Variants in HACL2 observed in about 807,000 individuals in gnomAD.
HACL2 encodes the protein 2-hydroxyacyl-CoA lyase 2, also known as 2-hydroxyacyl-CoA lyase 1 like.
chr19:15,116,176 C>T, the HACL2 span: 23 of 1,613,486 alleles, frequency 1.4e-5, no homozygotes, highest in Middle Eastern at 3.3e-4. Context: ...CGCAGGGGGC[C>T]GCGGGGCTGT....
chr19:15,125,381 T>C, the HACL2 span: 2 of 314,006 alleles, frequency 6.4e-6, no homozygotes, highest in Non-Finnish European at 1.2e-5. Context: ...TCCACTTACC[T>C]ACTTGTCAAT....
chr19:15,121,943 G>A, the HACL2 span, among the ~76,000 whole-genome samples: 4 of 149,244 alleles, frequency 2.7e-5, no homozygotes, highest in Admixed American at 6.6e-5. Context: ...TGTCACCCAG[G>A]CTGGAGTGCA....
At chr19:15,119,609 G>A in the HACL2 span, 5 of 1,084,106 alleles carry the variant, frequency 4.6e-6, no homozygotes, top group Non-Finnish European at 6.7e-6. Flanking sequence ...AGAGTGTAAT[G>A]GCATGATCTC....
the HACL2 span, chr19:15,123,807 G>T: frequency 2.4e-5 from 14 of 574,480 alleles, no homozygotes; most frequent in Admixed American, 9.5e-5. This position sits in a 1 kb window ranked among gnomAD's most constrained non-coding sequence, Gnocchi z 5.1. Context: ...GGACATCAAG[G>T]CTTGCCCAAG....
the HACL2 span, chr19:15,122,952 C>A: frequency 1.2e-6 from 2 of 1,604,766 alleles, no homozygotes; most frequent in Admixed American, 3.3e-5. This position sits in a 1 kb window ranked among gnomAD's most constrained non-coding sequence, Gnocchi z 4.0. Flanking sequence ...ATGTCCCGCA[C>A]CCTCCGCACA....
chr19:15,124,805 C>A, the HACL2 span: 2 of 1,314,994 alleles, frequency 1.5e-6, no homozygotes, highest in Non-Finnish European at 2.1e-6. Flanking sequence ...TCTTACCAGT[C>A]CCTCTGGACT....
chr19:15,124,355 C>T, the HACL2 span: 1 of 153,062 alleles, frequency 6.5e-6, no homozygotes, highest in African/African-American at 2.4e-5. Context: ...AAATTTCAAA[C>T]AGAGGTGCAA....
At chr19:15,122,649 G>C in the HACL2 span, 2 of 1,523,444 alleles carry the variant, frequency 1.3e-6, no homozygotes, top group Middle Eastern at 1.8e-4. The surrounding 1 kb of genome is among the most constrained non-coding windows in gnomAD (Gnocchi z 4.0). Flanking sequence ...CTGCAGGAGA[G>C]AACGGGGGAT....
the HACL2 span, chr19:15,125,057 C>G: frequency 6.5e-7 from 1 of 1,549,048 alleles, no homozygotes; most frequent in South Asian, 1.2e-5. Context: ...CGGGGGTCTC[C>G]ATGAGGTGGT....
chr19:15,117,857 G>T, the HACL2 span: 3 of 1,613,712 alleles, frequency 1.9e-6, no homozygotes, highest in Non-Finnish European at 2.5e-6. Flanking sequence ...GCACATATGT[G>T]TACGGGGGGA....
the HACL2 span, chr19:15,116,099 G>A: frequency 1.9e-6 from 3 of 1,613,384 alleles, no homozygotes; most frequent in Non-Finnish European, 1.7e-6. Flanking sequence ...AGGTGGGTGT[G>A]AAGGCGTCCT....
chr19:15,119,912 A>T, the HACL2 span: 12 of 1,055,736 alleles, frequency 1.1e-5, no homozygotes, highest in Non-Finnish European at 1.5e-5. Flanking sequence ...TGACTCAGGG[A>T]GAGGGTCAGG....
the HACL2 span, chr19:15,116,197 C>A: frequency 6.2e-7 from 1 of 1,613,850 alleles, no homozygotes; most frequent in South Asian, 1.1e-5. Context: ...ACCAGATGGG[C>A]AGCAGTGCCC....
At chr19:15,123,900 GGA>G in the HACL2 span, 2 of 382,966 alleles carry the variant, frequency 5.2e-6, no homozygotes, top group South Asian at 3.4e-5. This position sits in a 1 kb window ranked among gnomAD's most constrained non-coding sequence, Gnocchi z 5.1. Context: ...GGGCAATCAG[GGA>G]GAGAGGAGAG....
the HACL2 span, chr19:15,125,261 C>G: frequency 1.6e-6 from 1 of 611,628 alleles, no homozygotes; most frequent in Non-Finnish European, 2.9e-6. Context: ...CTCTCCGTGA[C>G]AAGGTCACGC....
the HACL2 span, chr19:15,124,804 T>G: frequency 7.6e-7 from 1 of 1,308,758 alleles, no homozygotes. Context: ...CTCTTACCAG[T>G]CCCTCTGGAC....
the HACL2 span, chr19:15,123,574 C>G: frequency 6.2e-7 from 1 of 1,614,034 alleles, no homozygotes; most frequent in African/African-American, 1.3e-5. The surrounding 1 kb of genome is among the most constrained non-coding windows in gnomAD (Gnocchi z 5.1). Context: ...TTGCCTTGTC[C>G]ACCTGGGCCC....
the HACL2 span, chr19:15,125,193 G>A: frequency 1.0e-6 from 1 of 971,792 alleles, no homozygotes; most frequent in Non-Finnish European, 1.5e-6. Flanking sequence ...GTGCGGCCAC[G>A]CCCCCAACCC....
chr19:15,119,643 C>T, the HACL2 span: 1 of 784,794 alleles, frequency 1.3e-6, no homozygotes. Flanking sequence ...CTCCACCTCC[C>T]AGGTTCAAAC....
Sources: gnomAD v4.1 joint callset for allele counts (sites outside exome capture counted in the v4.1 genomes callset) on GRCh38, gnomAD v4.1.1 for gene constraint, Gnocchi (gnomAD v3.1) non-coding constraint, MANE v1.5 for transcripts, NCBI Gene and HGNC (gene_info 2026-07-23, HGNC 2026-07-21) for gene names.